The following SLC9A1 variants were observed in gnomAD, a reference collection of about 807,000 sequenced individuals.
SLC9A1 encodes solute carrier family 9 member A1.
Under a neutral mutation model 67.9 loss-of-function variants are expected in SLC9A1, and 22 were observed. That is an observed-to-expected ratio of 0.32 (90% CI 0.23 to 0.46). SLC9A1 has a LOEUF of 0.46. Ranked by LOEUF, SLC9A1 falls within the 20% of genes least tolerant of loss-of-function variation. The pLI is 1.00. For missense variants in SLC9A1, 686 were observed against 1,094.8 expected (o/e 0.63, Z 5.27); for synonymous variants, 421 against 471.8 (o/e 0.89, Z 1.40).
chr1:27,112,175 C>T (rs1290128257), intron 2 of SLC9A1, among the ~76,000 whole-genome samples: 1 of 152,176 alleles, frequency 6.6e-6, no homozygotes, highest in Non-Finnish European at 1.5e-5. Flanking sequence ...TAACCCTGGG[C>T]AAGAGCTAGT....
chr1:27,100,641 G>A lies in SLC9A1; in HGVS notation c.2114C>T (p.Pro705Leu). 6.2e-7 allele frequency: 1 copy of A among 1,602,560 alleles called. No individual in the cohort carries two copies. The highest frequency in any genetic ancestry group is 8.5e-7 in the Non-Finnish European group (1 of 1,173,882). The change falls in exon 12 of 12, where the codon CCA (proline) becomes CTA (leucine). Residue 705 changes from proline (P) to leucine (L), a missense_variant. Physicochemically the swap from Pro to Leu is moderately conservative, Grantham distance 98 (BLOSUM62 -3). Transcript: ENST00000263980. The surrounding 1 kb of genome is among the most constrained non-coding windows in gnomAD (Gnocchi z 5.6). ...GTCCTCCTTCGGCTCATAGGCCAGT[G>A]GGTCTGGGGACCAAGAGCAAGGCAC... The part of the protein sequence containing the change: ...TMSRARIGSD[P>L]LAYEPKEDLP...
chr1:27,131,026 C>T (rs772023816), intron 1 of SLC9A1, among the ~76,000 whole-genome samples: 70 of 152,230 alleles, frequency 4.6e-4, no homozygotes, highest in African/African-American at 1.5e-3. Flanking sequence ...TGCCCACTTC[C>T]GCCTGGCCTG....
At chr1:27,124,866 G>A (rs2083330539) in intron 1 of SLC9A1, among the ~76,000 whole-genome samples, 1 of 152,104 alleles carries the variant, frequency 6.6e-6, no homozygotes, top group Non-Finnish European at 1.5e-5. Flanking sequence ...CAGAAAAGAT[G>A]GGGGGCCTTC....
rs575326713 is a variant in SLC9A1 at position 27,147,813 on chromosome 1, G to A, written c.352+6170C>T. Among the ~76,000 whole-genome samples the A allele has an allele frequency of 1.0e-3, 153 of 152,044 alleles. 7 individuals carry two copies. In the South Asian group the frequency reaches 0.028, roughly 28 times the overall value. On this transcript the variant is annotated intron_variant, in intron 1 of 11. Transcript: ENST00000263980. ...AGTTCAAGACAAGCCTGACCAACAC[G>A]GCAAAACCCCATCCCTACTAAAAAT...
At chr1:27,108,344 GCGA>G (rs1557739673) in intron 3 of SLC9A1, among the ~76,000 whole-genome samples, 1 of 9,198 alleles carries the variant, frequency 1.1e-4, no homozygotes, top group Non-Finnish European at 3.2e-4. Context: ...GGGATTACAG[GCGA>G]CGAGCGCATG....
chr1:27,108,352 C>CCA (rs201801124), intron 3 of SLC9A1, among the ~76,000 whole-genome samples: 145,341 of 145,674 alleles, frequency 1, 72,504 homozygotes, highest in Non-Finnish European at 1. Flanking sequence ...AGGCGACGAG[C>CCA]GCATGCCCGG....
Position 27,154,455 on chromosome 1 carries a change from T to C in SLC9A1, c.-121A>G, listed in dbSNP as rs948990538. 4 of 592,364 alleles carry C rather than the reference T, an allele frequency of 6.8e-6. No homozygotes were observed. Among genetic ancestry groups the C allele is most frequent in the African/African-American group, 1.9e-5 (1 of 52,678 alleles). The allele number at this position is 592,364 out of a possible 1,614,324, so 36.7% of individuals were successfully genotyped here. A position where few individuals can be genotyped will look rare whatever the true frequency, so the allele number is the denominator to read the frequency against. On this transcript the variant is annotated 5_prime_UTR_variant, in exon 1 of 12. Transcript: ENST00000263980. ...CGTAGTCTCTAGGAAAAGTTCATGT[T>C]TTAGAGAGGCATTTCCATGGAAGCA...
intron 1 of SLC9A1, among the ~76,000 whole-genome samples, chr1:27,140,617 G>A (rs979156459): frequency 2.0e-5 from 3 of 152,108 alleles, no homozygotes; most frequent in Non-Finnish European, 4.4e-5. Context: ...GCTTAAAAAG[G>A]GCACACCTTT....
Position 27,100,490 on chromosome 1 carries a change from G to A in SLC9A1, c.2265C>T (p.Asp755=), listed in dbSNP as rs749487937. 14 of 1,613,968 alleles carry A rather than the reference G, an allele frequency of 8.7e-6. No homozygotes were observed. In the African/African-American group the frequency reaches 1.1e-4, roughly 12 times the overall value. Reference sequence around the variant, plus strand: ...TCATGATGCCCCCATCGTCGTCCTCGTCCTCCTCAGCCACCTTTGCAGGAT... The same window carrying A: ...TCATGATGCCCCCATCGTCGTCCTCATCCTCCTCAGCCACCTTTGCAGGAT... ...SRDPAKVAEE[D]EDDDGGIMMR... The change falls in exon 12 of 12, where the codon GAC becomes GAT. Residue 755 remains aspartate (D), a synonymous_variant. Transcript: ENST00000263980. This position sits in a 1 kb window ranked among gnomAD's most constrained non-coding sequence, Gnocchi z 5.6.
intron 1 of SLC9A1, among the ~76,000 whole-genome samples, chr1:27,129,242 G>A (rs1015206200): frequency 6.6e-6 from 1 of 152,184 alleles, no homozygotes; most frequent in Non-Finnish European, 1.5e-5. Context: ...GGTCCCCTAA[G>A]GGTCTCCCAT....
At chr1:27,104,896 T>C (rs1401695707) in intron 5 of SLC9A1, among the ~76,000 whole-genome samples, 1 of 152,108 alleles carries the variant, frequency 6.6e-6, no homozygotes, top group Non-Finnish European at 1.5e-5. Flanking sequence ...GGCAGAGCAA[T>C]TTGCACCATC....
chr1:27,103,353 C>G, intron 5 of SLC9A1, 41 bp from the exon 6 acceptor site: 4 of 1,453,136 alleles, frequency 2.8e-6, no homozygotes, highest in Non-Finnish European at 3.9e-6. Flanking sequence ...GTTCTGCTAC[C>G]CAGGCAGGGA....
intron 5 of SLC9A1, among the ~76,000 whole-genome samples, chr1:27,104,281 C>T (rs1184102768): frequency 1.3e-5 from 2 of 152,158 alleles, no homozygotes; most frequent in East Asian, 3.9e-4. Flanking sequence ...AGGGTTTCAC[C>T]ATGTTGGCCA....
In SLC9A1 at chr1:27,114,275, T is replaced by C. The variant is rs745493602; in HGVS notation, c.364A>G (p.Ile122Val). The change falls in exon 2 of 12, where the codon ATC (isoleucine) becomes GTC (valine). Residue 122 changes from isoleucine to valine, a missense_variant. Coordinates refer to ENST00000263980, the MANE Select transcript of SLC9A1 (RefSeq NM_003047.5). The surrounding 1 kb of genome is among the most constrained non-coding windows in gnomAD (Gnocchi z 5.4). ...ACLMKIGFHV[I>V]PTISSIVPES... ...GGGACGATGCTTGAGATAGTGGGGA[T>C]CACATGGAAACCTGCGGAGGGCGAG... 3.0e-5 allele frequency: 48 copies of C among 1,608,910 alleles called. No individual in the cohort carries two copies. Among genetic ancestry groups the C allele is most frequent in the African/African-American group, 4.0e-5 (3 of 74,796 alleles).
rs1456489349 is a variant in SLC9A1 at position 27,101,101 on chromosome 1, G to A, written c.2110+102C>T. ...GGGATCCTGAGGTCAGCGAGGGCCA[G>A]GCCTGTCCTCCCAGTGGCTGAGGAC... is the stretch of plus-strand genomic sequence containing the variant. On this transcript the variant is annotated intron_variant, in intron 11 of 11. Transcript: ENST00000263980. The surrounding 1 kb of genome is among the most constrained non-coding windows in gnomAD (Gnocchi z 4.9). The A allele has an allele frequency of 1.1e-6, 1 of 883,152 alleles. No individual in the cohort carries two copies. The highest frequency in any genetic ancestry group is 1.6e-5 in the African/African-American group (1 of 60,970). The allele number at this position is 883,152 out of a possible 1,614,324, so 54.7% of individuals were successfully genotyped here.
intron 1 of SLC9A1, among the ~76,000 whole-genome samples, chr1:27,144,048 T>G (rs1219116172): frequency 6.6e-6 from 1 of 152,222 alleles, no homozygotes; most frequent in Non-Finnish European, 1.5e-5. Context: ...CATGTTTTAT[T>G]TATTCATATT....
intron 1 of SLC9A1, among the ~76,000 whole-genome samples, chr1:27,122,385 A>T (rs990517470): frequency 2.0e-5 from 3 of 152,206 alleles, no homozygotes; most frequent in Admixed American, 1.3e-4. Flanking sequence ...GGGTGACTAA[A>T]GGGGGAAGAG....
intron 1 of SLC9A1, among the ~76,000 whole-genome samples, chr1:27,133,942 T>A (rs1170026078): frequency 6.6e-6 from 1 of 151,970 alleles, no homozygotes; most frequent in Non-Finnish European, 1.5e-5. Context: ...TTTTTGTATT[T>A]TTAGTAGAGA....
chr1:27,120,556 G>T (rs2124166929), intron 1 of SLC9A1, among the ~76,000 whole-genome samples: 1 of 151,764 alleles, frequency 6.6e-6, no homozygotes, highest in East Asian at 2.0e-4. Flanking sequence ...TGACCAACAT[G>T]GCGAAACCTC....
Sources: gnomAD v4.1 joint callset for allele counts (sites outside exome capture counted in the v4.1 genomes callset) on GRCh38, gnomAD v4.1.1 for gene constraint, Gnocchi (gnomAD v3.1) non-coding constraint, MANE v1.5 for transcripts, NCBI Gene and HGNC (gene_info 2026-07-23, HGNC 2026-07-21) for gene names.